MARCHF1: variants seen among roughly 807,000 people sequenced by gnomAD.
MARCHF1 encodes E3 ubiquitin-protein ligase MARCHF1.
In MARCHF1, 40 loss-of-function variants were observed where a neutral mutation model predicts 54.2. The observed-to-expected ratio is 0.74, with a 90% CI of 0.57 to 0.96. The LOEUF is 0.96. MARCHF1 is among the 40% of genes least tolerant of loss of function. The pLI, the probability that MARCHF1 is intolerant of heterozygous loss-of-function variation, is 0.00. For missense variants in MARCHF1, 586 were observed against 656.5 expected (o/e 0.89, Z 1.17); for synonymous variants, 236 against 236.3 (o/e 1.00, Z 0.01).
At position 164,127,734 on chromosome 4, in the gene MARCHF1, A is replaced by T. The variant is rs72985846; in HGVS notation, c.-322-16072T>A. 5.8e-3 allele frequency among the ~76,000 whole-genome samples: 880 copies of T among 152,326 alleles called. 11 individuals are homozygous for T. The highest frequency in any genetic ancestry group is 0.02 in the African/African-American group (850 of 41,586). On this transcript the variant is annotated intron_variant, in intron 1 of 9. Transcript: ENST00000514618. ...ATGTGAAGAAAGCTTCAAAATATTT[A>T]TGAAAGATGCAAAGTAAACAATAAA...
At chr4:164,200,205 T>C (rs547616215) in intron 1 of MARCHF1, among the ~76,000 whole-genome samples, 2 of 152,358 alleles carry the variant, frequency 1.3e-5, no homozygotes, top group Admixed American at 1.3e-4. Flanking sequence ...TATAAAGACT[T>C]GTTCATCTTA....
At chr4:163,949,815 CT>C (rs1380410068) in intron 3 of MARCHF1, among the ~76,000 whole-genome samples, 1 of 152,006 alleles carries the variant, frequency 6.6e-6, no homozygotes, top group Non-Finnish European at 1.5e-5. Context: ...GCAGGTTGTC[CT>C]GTCCTCTGCT....
At chr4:163,949,486 C>A (rs1380627881) in intron 3 of MARCHF1, among the ~76,000 whole-genome samples, 1 of 152,250 alleles carries the variant, frequency 6.6e-6, no homozygotes, top group Non-Finnish European at 1.5e-5. Flanking sequence ...AGAAAGGGGC[C>A]TGTGTCAGCT....
chr4:163,923,827 C>T (rs1751482060), intron 3 of MARCHF1, among the ~76,000 whole-genome samples: 1 of 150,548 alleles, frequency 6.6e-6, no homozygotes, highest in Non-Finnish European at 1.5e-5. Context: ...TCTTACAATG[C>T]AGACATAAAT....
intron 1 of MARCHF1, among the ~76,000 whole-genome samples, chr4:164,261,996 T>G (rs1166675536): frequency 6.6e-6 from 1 of 150,608 alleles, no homozygotes; most frequent in East Asian, 2.0e-4. Context: ...TCCCAGCTAC[T>G]CAGGAGGCAG....
chr4:163,893,369 C>A (rs1387634642), intron 3 of MARCHF1, among the ~76,000 whole-genome samples: 1 of 152,108 alleles, frequency 6.6e-6, no homozygotes, highest in Non-Finnish European at 1.5e-5. Flanking sequence ...GAACTCCTGA[C>A]CTTGAGTGAT....
rs759182947 is a variant in MARCHF1, at chr4:164,197,241, C to T, written c.-322-85579G>A. The stretch of plus-strand genomic sequence containing the variant: ...CGTCATCCAGGCCCTCCACGTGGTC[C>T]TCAATATCTGAGTAAGGGGCCTCCT... On this transcript the variant is annotated intron_variant, in intron 1 of 9. Transcript: ENST00000514618. 3.1e-6 allele frequency: 5 copies of T among 1,610,812 alleles called. No homozygotes were observed. The South Asian group carries it at 4.4e-5, about 14-fold the overall frequency.
chr4:163,570,857 A>T (rs567993925), intron 8 of MARCHF1, among the ~76,000 whole-genome samples: 14 of 151,892 alleles, frequency 9.2e-5, no homozygotes, highest in African/African-American at 3.4e-4. Context: ...AGACCTCACC[A>T]CTCCTTACCA....
At chr4:164,005,795 A>G (rs1753274067) in intron 2 of MARCHF1, among the ~76,000 whole-genome samples, 1 of 152,200 alleles carries the variant, frequency 6.6e-6, no homozygotes, top group Non-Finnish European at 1.5e-5. Flanking sequence ...ACCACATTGT[A>G]GGAGTTCCAT....
At chr4:164,023,259 T>C (rs542558933) in intron 2 of MARCHF1, among the ~76,000 whole-genome samples, 4 of 152,252 alleles carry the variant, frequency 2.6e-5, no homozygotes, top group African/African-American at 7.2e-5. Flanking sequence ...AAAAGAAATA[T>C]GACTGTGTCA....
intron 8 of MARCHF1, among the ~76,000 whole-genome samples, chr4:163,575,134 C>T (rs372472407): frequency 1.3e-5 from 2 of 151,858 alleles, no homozygotes; most frequent in Admixed American, 6.6e-5. Context: ...CAGCTTTTGT[C>T]CATTAAGTAT....
At chr4:164,117,036 T>C (rs1241959273) in intron 1 of MARCHF1, among the ~76,000 whole-genome samples, 1 of 152,022 alleles carries the variant, frequency 6.6e-6, no homozygotes, top group African/African-American at 2.4e-5. Flanking sequence ...GGCGGGTAGA[T>C]CATTTGAGGT....
chr4:163,957,250 A>G (rs893114804), intron 3 of MARCHF1, among the ~76,000 whole-genome samples: 9 of 152,054 alleles, frequency 5.9e-5, no homozygotes, highest in African/African-American at 2.2e-4. Context: ...ATAATGTGAC[A>G]AATGTATTTT....
intron 7 of MARCHF1, among the ~76,000 whole-genome samples, chr4:163,596,141 A>C (rs1560963776): frequency 6.6e-6 from 1 of 152,106 alleles, no homozygotes; most frequent in South Asian, 2.1e-4. Context: ...GAATTTAGGC[A>C]TCAGTTTGGG....
At chr4:163,826,418 A>G (rs1029472035) in intron 4 of MARCHF1, among the ~76,000 whole-genome samples, 1 of 152,094 alleles carries the variant, frequency 6.6e-6, no homozygotes, top group Non-Finnish European at 1.5e-5. Flanking sequence ...ATTCACTTAA[A>G]AAATTTTACT....
At chr4:163,570,607 G>A (rs546414905) in intron 8 of MARCHF1, among the ~76,000 whole-genome samples, 3 of 152,128 alleles carry the variant, frequency 2.0e-5, no homozygotes, top group African/African-American at 2.4e-5. Flanking sequence ...AGAGTTATAC[G>A]AACATTTCTA....
intron 5 of MARCHF1, among the ~76,000 whole-genome samples, chr4:163,699,260 G>A (rs1000688401): frequency 2.6e-5 from 4 of 152,218 alleles, no homozygotes; most frequent in African/African-American, 9.6e-5. Context: ...CACATTGACT[G>A]ATACTAGACT....
At chr4:163,708,704 A>G (rs1745020419) in intron 4 of MARCHF1, among the ~76,000 whole-genome samples, 1 of 152,196 alleles carries the variant, frequency 6.6e-6, no homozygotes, top group African/African-American at 2.4e-5. Context: ...GTCTATGACT[A>G]TATGAGCATG....
At chr4:163,682,878 T>A (rs1579191405) in intron 5 of MARCHF1, among the ~76,000 whole-genome samples, 2 of 152,188 alleles carry the variant, frequency 1.3e-5, no homozygotes, top group South Asian at 4.1e-4. Context: ...TTTTCCTTTA[T>A]AAATTACTCA....
Sources: gnomAD v4.1 joint callset for allele counts (sites outside exome capture counted in the v4.1 genomes callset) on GRCh38, gnomAD v4.1.1 for gene constraint, MANE v1.5 for transcripts, NCBI Gene and HGNC (gene_info 2026-07-23, HGNC 2026-07-21) for gene names.